Variants in CNTN5 observed in about 807,000 individuals in gnomAD.
CNTN5 encodes the protein contactin 5, also known as contactin-5.
A neutral mutation model predicts 129.1 loss-of-function variants in CNTN5; 77 were observed. That is an observed-to-expected ratio of 0.60 (90% CI 0.50 to 0.72). The LOEUF (loss-of-function observed/expected upper bound fraction) is 0.72. CNTN5 is among the 30% of genes least tolerant of loss of function. The pLI is 0.00. For synonymous variants in CNTN5, 509 were observed against 465.6 expected (o/e 1.09, Z -1.20); for missense variants, 1,478 against 1,328.8 (o/e 1.11, Z -1.75).
chr11:99,543,764 A>G (rs1948189843), intron 2 of CNTN5, among the ~76,000 whole-genome samples: 1 of 152,018 alleles, frequency 6.6e-6, no homozygotes, highest in Non-Finnish European at 1.5e-5. Context: ...CTGAAACTAC[A>G]AAAATTAGCT....
chr11:99,353,607 T>C (rs1938445590), intron 2 of CNTN5, among the ~76,000 whole-genome samples: 1 of 152,230 alleles, frequency 6.6e-6, no homozygotes, highest in Non-Finnish European at 1.5e-5. Context: ...ACTTTGCATA[T>C]GTATGGCTAA....
At chr11:99,204,618 T>TATG (rs1859380990) in intron 1 of CNTN5, among the ~76,000 whole-genome samples, 1 of 152,224 alleles carries the variant, frequency 6.6e-6, no homozygotes, top group Non-Finnish European at 1.5e-5. Context: ...TCAGCATCAT[T>TATG]ATGCAACACC....
chr11:99,288,232 C>A (rs1186688796), intron 1 of CNTN5, among the ~76,000 whole-genome samples: 1 of 150,862 alleles, frequency 6.6e-6, no homozygotes, highest in Non-Finnish European at 1.5e-5. Flanking sequence ...TTTTTTTTTA[C>A]AAGATTATAT....
At chr11:99,063,764 G>C (rs1304065116) in intron 1 of CNTN5, among the ~76,000 whole-genome samples, 1 of 151,984 alleles carries the variant, frequency 6.6e-6, no homozygotes, top group East Asian at 1.9e-4. Flanking sequence ...GAAATTTTAA[G>C]AAGTTGCAAA....
chr11:99,824,579 G>A (rs1205033031), intron 4 of CNTN5, among the ~76,000 whole-genome samples: 2 of 151,800 alleles, frequency 1.3e-5, no homozygotes, highest in Non-Finnish European at 2.9e-5. Context: ...TTGTTAAACA[G>A]AATTTTTTGA....
chr11:99,260,048 C>G (rs1287086738), intron 1 of CNTN5, among the ~76,000 whole-genome samples: 1 of 151,106 alleles, frequency 6.6e-6, no homozygotes, highest in African/African-American at 2.4e-5. Flanking sequence ...AAATATTGTC[C>G]CTATATATTG....
intron 1 of CNTN5, among the ~76,000 whole-genome samples, chr11:99,266,077 A>C (rs1413416438): frequency 6.6e-6 from 1 of 152,068 alleles, no homozygotes; most frequent in Non-Finnish European, 1.5e-5. Flanking sequence ...GGAAGTATAA[A>C]AATAAGTTCA....
intron 6 of CNTN5, among the ~76,000 whole-genome samples, chr11:99,846,336 C>A (rs1410171877): frequency 1.8e-5 from 2 of 109,704 alleles, no homozygotes; most frequent in Admixed American, 2.8e-4. Flanking sequence ...CCAGCCTGGG[C>A]GACAGAGTGA....
intron 2 of CNTN5, among the ~76,000 whole-genome samples, chr11:99,476,140 C>T (rs1023807431): frequency 9.2e-5 from 14 of 151,880 alleles, no homozygotes; most frequent in Admixed American, 3.3e-4. Context: ...TGGCACAATT[C>T]CCCAAATTTA....
chr11:99,532,401 G>T (rs990688681), intron 2 of CNTN5, among the ~76,000 whole-genome samples: 1 of 152,154 alleles, frequency 6.6e-6, no homozygotes. Flanking sequence ...TCTCAGATGA[G>T]ACTTTGTTTT....
At chr11:99,208,121 T>C (rs183012528) in intron 1 of CNTN5, among the ~76,000 whole-genome samples, 142 of 152,282 alleles carry the variant, frequency 9.3e-4, no homozygotes, top group Non-Finnish European at 7.2e-4. Context: ...TGAATGGTCA[T>C]TGGGTGCGTG....
intron 7 of CNTN5, among the ~76,000 whole-genome samples, chr11:99,934,218 C>T (rs1487917127): frequency 3.3e-5 from 5 of 152,162 alleles, no homozygotes; most frequent in African/African-American, 1.2e-4. Context: ...CATACAGATG[C>T]CATTACAATG....
chr11:99,108,607 C>G (rs946042324), intron 1 of CNTN5, among the ~76,000 whole-genome samples: 2 of 151,988 alleles, frequency 1.3e-5, no homozygotes, highest in African/African-American at 4.8e-5. Context: ...ATCTAAAATG[C>G]CCAAATACAA....
intron 2 of CNTN5, among the ~76,000 whole-genome samples, chr11:99,536,854 TAAA>T (rs5793993): frequency 2.2e-4 from 31 of 140,434 alleles, no homozygotes; most frequent in Non-Finnish European, 3.2e-4. Context: ...GTAGTCACAT[TAAA>T]AAAAAAAAAA....
chr11:99,874,998 G>T (rs1948596047), intron 6 of CNTN5, among the ~76,000 whole-genome samples: 1 of 152,094 alleles, frequency 6.6e-6, no homozygotes, highest in African/African-American at 2.4e-5. Context: ...TAGTTTCTTT[G>T]GTTGGGAAAT....
chr11:99,970,470 C>T (rs964890389), intron 8 of CNTN5, among the ~76,000 whole-genome samples: 3 of 152,038 alleles, frequency 2.0e-5, no homozygotes, highest in African/African-American at 7.2e-5. Flanking sequence ...CTTAGACAAC[C>T]GACTTTACCT....
chr11:99,695,621 C>CT (rs1483315209), intron 3 of CNTN5, among the ~76,000 whole-genome samples: 1 of 151,976 alleles, frequency 6.6e-6, no homozygotes, highest in Non-Finnish European at 1.5e-5. Context: ...GGCACGGTGG[C>CT]TGACACCTGT....
rs547090556 is a variant in CNTN5, at chr11:99,643,226, T to G, written c.55+86957T>G. Among the ~76,000 whole-genome samples, 416 of 94,898 alleles carry G rather than the reference T, an allele frequency of 4.4e-3. 3 individuals are homozygous for G. Among genetic ancestry groups the G allele is most frequent in the Admixed American group, 7.4e-3 (58 of 7,848 alleles). 62.3% of individuals were successfully genotyped at this position (94,898 alleles called of 152,430 possible). On this transcript the variant is annotated intron_variant, in intron 3 of 24. Transcript: ENST00000524871. The stretch of plus-strand genomic sequence containing the variant: ...CAATAATGGGGAACTAGAAAAGTCT[T>G]GAATATGTGTGTGTAGGTGTTGGTA...
intron 9 of CNTN5, among the ~76,000 whole-genome samples, chr11:100,016,217 CGG>C (rs1312161784): frequency 6.6e-6 from 1 of 151,912 alleles, no homozygotes; most frequent in Non-Finnish European, 1.5e-5. Flanking sequence ...GCCATAGATA[CGG>C]GAGAAGGGAG....
Sources: allele counts gnomAD v4.1 joint callset (sites outside exome capture counted in the v4.1 genomes callset), GRCh38; gene constraint gnomAD v4.1.1; transcripts MANE v1.5; gene names NCBI Gene and HGNC (gene_info 2026-07-23, HGNC 2026-07-21).